Variants in ATN1 observed in about 807,000 individuals in gnomAD.
ATN1 encodes atrophin 1.
In ATN1, 19 loss-of-function variants were observed where a neutral mutation model predicts 85.8. The ratio of observed to expected loss-of-function variants is 0.22; its 90% CI spans 0.15 to 0.32. The LOEUF (loss-of-function observed/expected upper bound fraction) is 0.32, where lower values mean the gene tolerates loss of function less well. ATN1 is among the 10% of genes least tolerant of loss of function. The pLI, the probability that ATN1 is intolerant of heterozygous loss-of-function variation, is 1.00. For synonymous variants in ATN1, 674 were observed against 657.0 expected (o/e 1.03, Z -0.39); for missense variants, 1,453 against 1,564.5 (o/e 0.93, Z 1.20).
Position 6,939,158 on chromosome 12 carries a change from G to C in ATN1, c.3195G>C (p.Gln1065His). 6.3e-7 allele frequency: 1 copy of C among 1,598,564 alleles called. No individual in the cohort carries two copies. Among genetic ancestry groups the C allele is most frequent in the Non-Finnish European group, 8.5e-7 (1 of 1,178,980 alleles). The change falls in exon 7 of 10, where the codon CAG becomes CAC. Residue 1065 changes from glutamine to histidine, a missense_variant. Gln to His is a conservative substitution (Grantham distance 24). Around this residue, in one of 6 missense-constraint regions of ATN1, gnomAD observed 118 missense variants for 163.7 expected, o/e 0.72. Transcript: ENST00000396684. Reference sequence around the variant, plus strand: ...TCCACTCGCACCTGCACCTGCACCAGCAAGATGCTATCCATGCAGGTGAGA... The same window carrying C: ...TCCACTCGCACCTGCACCTGCACCACCAAGATGCTATCCATGCAGGTGAGA... The part of the protein sequence containing the change: ...SHIHSHLHLH[Q>H]QDAIHAASAS...
In ATN1 at chr12:6,928,623, G is replaced by T. The variant is rs372524323; in HGVS notation, c.-163+239G>T. On this transcript the variant is annotated intron_variant, in intron 1 of 9. Coordinates refer to ENST00000396684, the MANE Select transcript of ATN1 (RefSeq NM_001940.4). The stretch of plus-strand genomic sequence containing the variant: ...CCAGGGTTTCGGGAGGATCGGGAAG[G>T]TGGGGAAGGAGGGAGGGTCTCCGGA... Among the ~76,000 whole-genome samples, 6 of 152,366 alleles carry T rather than the reference G, an allele frequency of 3.9e-5. No individual in the cohort carries two copies. In the East Asian group the frequency reaches 9.7e-4, roughly 25 times the overall value.
Position 6,939,110 on chromosome 12 carries a change from C to T in ATN1, c.3147C>T (p.Pro1049=), listed in dbSNP as rs183865782. Residue 1049 remains proline (P), a synonymous_variant, in exon 7 of 10, where the codon CCC becomes CCT. Coordinates refer to ENST00000396684, the MANE Select transcript of ATN1 (RefSeq NM_001940.4). ...LARLQMLNVT[P]HHHQHSHIHS... ...GGCTGCAGATGCTCAATGTGACTCC[C>T]CATCACCACCAGCACTCCCACATCC... The T allele has an allele frequency of 3.7e-6, 6 of 1,601,240 alleles. No individual in the cohort carries two copies. In the African/African-American group the frequency reaches 8.0e-5, roughly 21 times the overall value.
Position 6,937,083 on chromosome 12 carries a change from A to T in ATN1, c.1816A>T (p.Thr606Ser), listed in dbSNP as rs1193734807. Residue 606 changes from threonine to serine, a missense_variant, in exon 5 of 10, where the codon ACG (threonine) becomes TCG (serine). This residue lies in a region of ATN1 where 990 missense variants were observed against 914.8 expected (regional missense o/e 1.08). Transcript: ENST00000396684. This position sits in a 1 kb window ranked among gnomAD's most constrained non-coding sequence, Gnocchi z 6.0. The part of the protein sequence containing the change: ...GAPYPFPPVP[T>S]VTTSSATLST... ...GCCCTACCCTTTCCCACCGGTGCCT[A>T]CGGTCACCACCTCTTCGGCTACCCT... The T allele has an allele frequency of 6.2e-7, 1 of 1,612,226 alleles. No homozygotes were observed.
upstream of ATN1, among the ~76,000 whole-genome samples, chr12:6,926,669 C>T (rs1555142604): frequency 1.3e-5 from 2 of 152,052 alleles, no homozygotes; most frequent in African/African-American, 2.4e-5. Context: ...GACGGGGTTT[C>T]GCCATGTTGG....
At position 6,936,750 on chromosome 12, in the gene ATN1, C is replaced by A. The variant is rs1405567457; in HGVS notation, c.1483C>A (p.Gln495Lys). 1 of 1,484,584 alleles carries A rather than the reference C, an allele frequency of 6.7e-7. No individual in the cohort carries two copies. The highest frequency in any genetic ancestry group is 1.5e-5 in the African/African-American group (1 of 68,464). 92.0% of individuals were successfully genotyped at this position (1,484,584 alleles called of 1,614,324 possible). Residue 495 changes from glutamine (Q) to lysine (K), a missense_variant, in exon 5 of 10, where the codon CAG becomes AAG. By Grantham distance (53) the Gln-to-Lys change is moderately conservative. Coordinates refer to ENST00000396684, the MANE Select transcript of ATN1 (RefSeq NM_001940.4). ...GCAACAGCAGCAGCAGCAGCAGCAG[C>A]AGCAGCAGCAGCAGCAGCAGCAGCA... ...QQQQQQQQQQ[Q>K]QQQQQQQHHG... is the part of the protein sequence containing the mutation.
chr12:6,937,594 G>T lies in ATN1; in HGVS notation c.2294+33G>T. On this transcript the variant is annotated intron_variant, in intron 5 of 9. Transcript: ENST00000396684. This position sits in a 1 kb window ranked among gnomAD's most constrained non-coding sequence, Gnocchi z 6.0. ...GCCAGGTGGGGCGGAGGTGGGCCTG[G>T]AAAGGGGACGACGACAAGGCGGCGA... 3 of 1,464,234 alleles carry T rather than the reference G, an allele frequency of 2.0e-6. No individual in the cohort carries two copies. The highest frequency in any genetic ancestry group is 1.8e-6 in the Non-Finnish European group (2 of 1,109,562). The allele number at this position is 1,464,234 out of a possible 1,614,324, so 90.7% of individuals were successfully genotyped here. A position where few individuals can be genotyped will look rare whatever the true frequency, so the allele number is the denominator to read the frequency against.
chr12:6,925,117 CGTGTGTGTGT>C (rs376981297), upstream of ATN1, among the ~76,000 whole-genome samples: 5 of 143,818 alleles, frequency 3.5e-5, no homozygotes, highest in South Asian at 2.2e-4. Flanking sequence ...TGTGCGTGTG[CGTGTGTGTGT>C]GTGTGTGTGT....
chr12:6,941,581 G>T lies in ATN1; in HGVS notation c.3539+27G>T. 1.2e-6 allele frequency: 2 copies of T among 1,611,354 alleles called. No individual in the cohort carries two copies. Among genetic ancestry groups the T allele is most frequent in the Non-Finnish European group, 1.7e-6 (2 of 1,178,612 alleles). On this transcript the variant is annotated intron_variant, in intron 9 of 9. Coordinates refer to ENST00000396684, the MANE Select transcript of ATN1 (RefSeq NM_001940.4). The surrounding 1 kb of genome is among the most constrained non-coding windows in gnomAD (Gnocchi z 5.9). ...TACCCTAGGGTGCCCCAGCCCAGGG[G>T]ACATGGGCTCAGCGAGCCTGGGAGG...
At position 6,934,059 on chromosome 12, in the gene ATN1, G is replaced by A. The variant is rs1555143296; in HGVS notation, c.27+31G>A. 6.2e-7 allele frequency: 1 copy of A among 1,610,614 alleles called. No homozygotes were observed. The highest frequency in any genetic ancestry group is 8.5e-7 in the Non-Finnish European group (1 of 1,178,250). On this transcript the variant is annotated intron_variant, in intron 2 of 9. Transcript: ENST00000396684. The surrounding 1 kb of genome is among the most constrained non-coding windows in gnomAD (Gnocchi z 4.5). ...TTAAAATGAGAGACATGAAAGATGA[G>A]GGGCGGGGCAGGCAAGCTAGGAGGA... is the stretch of plus-strand genomic sequence containing the variant.
intron 1 of ATN1, among the ~76,000 whole-genome samples, chr12:6,929,397 C>T (rs1388339612): frequency 6.6e-6 from 1 of 152,148 alleles, no homozygotes; most frequent in African/African-American, 2.4e-5. Flanking sequence ...TACCTTCAAG[C>T]TCCCTTACCT....
rs1945558684 is a variant in ATN1 at position 6,937,269 on chromosome 12, G to C, written c.2002G>C (p.Gly668Arg). The change falls in exon 5 of 10, where the codon GGG (glycine) becomes CGG (arginine). Residue 668 changes from glycine to arginine, a missense_variant. Gly to Arg is a moderately radical substitution (Grantham distance 125). This residue lies in a region of ATN1 where 990 missense variants were observed against 914.8 expected (regional missense o/e 1.08). Coordinates refer to ENST00000396684, the MANE Select transcript of ATN1 (RefSeq NM_001940.4). This position sits in a 1 kb window ranked among gnomAD's most constrained non-coding sequence, Gnocchi z 6.0. ...KPGSPPSFRT[G>R]TPPGYRGTSP... The stretch of plus-strand genomic sequence containing the variant: ...CGGGTCGCCTCCCTCCTTCCGAACG[G>C]GGACCCCACCGGGCTATCGAGGAAC... The C allele has an allele frequency of 2.5e-6, 4 of 1,609,452 alleles. No homozygotes were observed. The highest frequency in any genetic ancestry group is 3.4e-6 in the Non-Finnish European group (4 of 1,178,790).
chr12:6,925,251 C>T (rs1432859281), upstream of ATN1, among the ~76,000 whole-genome samples: 7 of 151,936 alleles, frequency 4.6e-5, no homozygotes, highest in Admixed American at 4.6e-4. Context: ...TCTCACCATC[C>T]CCTATCCCCA....
In ATN1 at chr12:6,936,334, C is replaced by G. The variant is rs782609349; in HGVS notation, c.1067C>G (p.Pro356Arg). The G allele has an allele frequency of 6.2e-7, 1 of 1,613,838 alleles. No individual in the cohort carries two copies. The highest frequency in any genetic ancestry group is 1.3e-5 in the African/African-American group (1 of 74,864). The change falls in exon 5 of 10, where the codon CCC (proline) becomes CGC (arginine). Residue 356 changes from proline to arginine, a missense_variant. Pro to Arg is a moderately radical substitution (Grantham distance 103, BLOSUM62 -2). Transcript: ENST00000396684. ...AAGGGCCCAACTCTGGCTCCTTCAC[C>G]CCACTCTCTGCCTCCTGCTTCCTCT... ...PEKGPTLAPS[P>R]HSLPPASSSA...
rs1565566136 is a variant in ATN1, at chr12:6,936,382, G to A, written c.1115G>A (p.Arg372Lys). The A allele has an allele frequency of 4.3e-6, 7 of 1,613,614 alleles. No individual in the cohort carries two copies. The highest frequency in any genetic ancestry group is 5.9e-6 in the Non-Finnish European group (7 of 1,179,878). The change falls in exon 5 of 10, where the codon AGG becomes AAG. Residue 372 changes from arginine to lysine, a missense_variant. By Grantham distance (26) the Arg-to-Lys change is conservative. Transcript: ENST00000396684. Reference sequence around the variant, plus strand: ...TCTTCTGCTCCAGCGCCCCCCATGAGGTTTCCTTATTCATCCTCTAGTAGT... The same window carrying A: ...TCTTCTGCTCCAGCGCCCCCCATGAAGTTTCCTTATTCATCCTCTAGTAGT... ...ASSSAPAPPM[R>K]FPYSSSSSSS...
chr12:6,927,574 G>A (rs1460314338), upstream of ATN1, among the ~76,000 whole-genome samples: 14 of 149,142 alleles, frequency 9.4e-5, no homozygotes, highest in Non-Finnish European at 1.8e-4. Context: ...ATTCCGCCAC[G>A]GCTAGCCCTC....
chr12:6,937,213 A>G lies in ATN1; in HGVS notation c.1946A>G (p.Tyr649Cys), dbSNP rs781963846. ...AAGAGAGCCCCGTCCCCGGGGGCCT[A>G]CAAGACAGCCACCCCACCCGGATAC... The part of the protein sequence containing the change: ...YGKRAPSPGA[Y>C]KTATPPGYKP... Residue 649 changes from tyrosine to cysteine, a missense_variant, in exon 5 of 10, where the codon TAC (tyrosine) becomes TGC (cysteine). Tyr to Cys is a radical substitution (Grantham distance 194, BLOSUM62 -2). Coordinates refer to ENST00000396684, the MANE Select transcript of ATN1 (RefSeq NM_001940.4). The surrounding 1 kb of genome is among the most constrained non-coding windows in gnomAD (Gnocchi z 6.0). 1.3e-5 allele frequency: 21 copies of G among 1,611,406 alleles called. No individual in the cohort carries two copies. In the African/African-American group the frequency reaches 2.0e-4, roughly 15 times the overall value.
upstream of ATN1, among the ~76,000 whole-genome samples, chr12:6,927,899 T>TCGGGGAGGGG (rs1161877482): frequency 6.6e-6 from 1 of 150,536 alleles, no homozygotes; most frequent in East Asian, 2.0e-4. Context: ...GACCGCGGCT[T>TCGGGGAGGGG]CGGGGAGGGG....
Position 6,937,146 on chromosome 12 carries a change from G to T in ATN1, c.1879G>T (p.Gly627Cys). The T allele has an allele frequency of 6.2e-7, 1 of 1,611,478 alleles. No homozygotes were observed. The highest frequency in any genetic ancestry group is 8.5e-7 in the Non-Finnish European group (1 of 1,179,980). Residue 627 changes from glycine (G) to cysteine (C), a missense_variant, in exon 5 of 10, where the codon GGC becomes TGC. Gly to Cys is a radical substitution (Grantham distance 159, BLOSUM62 -3). This residue lies in a region of ATN1 where 990 missense variants were observed against 914.8 expected (regional missense o/e 1.08). Coordinates refer to ENST00000396684, the MANE Select transcript of ATN1 (RefSeq NM_001940.4). The surrounding 1 kb of genome is among the most constrained non-coding windows in gnomAD (Gnocchi z 6.0). ...VIATVASSPA[G>C]YKTASPPGPP... ...TGCCACCGTGGCTTCCTCGCCAGCAGGCTACAAAACGGCCTCCCCACCTGG... is the reference window on the plus strand; with the variant it reads ...TGCCACCGTGGCTTCCTCGCCAGCATGCTACAAAACGGCCTCCCCACCTGG...
chr12:6,937,935 G>A lies in ATN1; in HGVS notation c.2385G>A (p.Lys795=), dbSNP rs782775116. The A allele has an allele frequency of 6.9e-6, 11 of 1,590,138 alleles. No individual in the cohort carries two copies. The South Asian group carries it at 1.1e-4, about 16-fold the overall frequency. ...TGGAGGGCTCCAAGCTGGCCAAGAA[G>A]CGGGCCGACCTGGTGGAGAAGGTGC... ...VPLEGSKLAK[K]RADLVEKVRR... The change falls in exon 6 of 10, where the codon AAG becomes AAA. Residue 795 remains lysine, a synonymous_variant. Transcript: ENST00000396684. This position sits in a 1 kb window ranked among gnomAD's most constrained non-coding sequence, Gnocchi z 6.0.
Sources: allele counts gnomAD v4.1 joint callset (sites outside exome capture counted in the v4.1 genomes callset), GRCh38; gene constraint gnomAD v4.1.1; regional missense constraint gnomAD v4.1.1; non-coding constraint Gnocchi (gnomAD v3.1); transcripts MANE v1.5; gene names NCBI Gene and HGNC (gene_info 2026-07-23, HGNC 2026-07-21).